Variants in AKT1 observed in about 807,000 individuals in gnomAD.
AKT1 encodes AKT serine/threonine kinase 1.
AKT1 carries 21 observed loss-of-function variants against 63.1 expected under a neutral mutation model. That is an observed-to-expected ratio of 0.33 (90% confidence interval 0.24 to 0.48). The LOEUF (loss-of-function observed/expected upper bound fraction) is 0.48. Ranked by LOEUF, AKT1 falls within the 20% of genes least tolerant of loss-of-function variation. The pLI is 0.99. For missense variants in AKT1, 382 were observed against 666.0 expected (o/e 0.57, Z 4.69); for synonymous variants, 257 against 253.1 (o/e 1.02, Z -0.15).
chr14:104,789,068 G>A (rs11848695), intron 3 of AKT1, among the ~76,000 whole-genome samples: 45,692 of 152,166 alleles, frequency 0.3, 7,266 homozygotes, highest in African/African-American at 0.37. Context: ...CTCGGCCTTG[G>A]CCTGCTGGGT....
At chr14:104,787,805 T>C (rs963798680) in intron 3 of AKT1, among the ~76,000 whole-genome samples, 7 of 152,190 alleles carry the variant, frequency 4.6e-5, no homozygotes, top group Admixed American at 1.3e-4. Context: ...AGCTGTCCAC[T>C]CAGGAGCCAC....
At chr14:104,775,402 G>C (rs924128089) in intron 6 of AKT1, 195 bp from the exon 7 acceptor site, 58 of 1,164,526 alleles carry the variant, frequency 5.0e-5, no homozygotes, top group Admixed American at 3.5e-4. Context: ...CCAGCTCAGA[G>C]CATGGGGTTC....
chr14:104,780,716 C>A (rs937815250), intron 3 of AKT1, among the ~76,000 whole-genome samples: 1 of 152,102 alleles, frequency 6.6e-6, no homozygotes. Context: ...CATGGCCGCC[C>A]CCCCCGCCCC....
intron 4 of AKT1, 76 bp from the exon 5 acceptor site, chr14:104,776,846 C>A: frequency 8.1e-7 from 1 of 1,240,276 alleles, no homozygotes; most frequent in Non-Finnish European, 1.1e-6. Context: ...CCCCGCTGCA[C>A]CAGCCAGCTC....
At chr14:104,772,293 T>C in intron 13 of AKT1, 72 bp downstream of exon 13, 1 of 1,518,920 alleles carries the variant, frequency 6.6e-7, no homozygotes. Context: ...CTGGCGAGCG[T>C]GCCACGTGCA....
chr14:104,781,003 C>T (rs1212863925), intron 3 of AKT1, among the ~76,000 whole-genome samples: 1 of 152,220 alleles, frequency 6.6e-6, no homozygotes, highest in Admixed American at 6.5e-5. Context: ...GCGTCCCACC[C>T]GTGGGTCATT....
At chr14:104,773,732 T>C in intron 9 of AKT1, 152 bp from the exon 10 acceptor site, 2 of 1,299,602 alleles carry the variant, frequency 1.5e-6, no homozygotes, top group African/African-American at 1.5e-5. Context: ...TCAGAAGCCC[T>C]AACTCAGCAG....
intron 3 of AKT1, among the ~76,000 whole-genome samples, chr14:104,791,779 G>A (rs1439545549): frequency 2.6e-5 from 4 of 152,252 alleles, no homozygotes; most frequent in African/African-American, 9.6e-5. Flanking sequence ...TAGAACTTAG[G>A]AGGGAACAAG....
rs772346934 is a variant in AKT1, at chr14:104,780,220, C to G, written c.47-4G>C. ...CGCCAGGTCTTGATGTACTCCCCTA[C>G]AGACGTGCGGGTGGTGAGAGCCACG... On this transcript the variant is annotated splice_polypyrimidine_tract_variant and splice_region_variant and intron_variant, in intron 3 of 14. Transcript: ENST00000649815. 5.6e-6 allele frequency: 9 copies of G among 1,612,902 alleles called. No individual in the cohort carries two copies. The African/African-American group carries it at 1.2e-4, about 22-fold the overall frequency.
At chr14:104,781,707 A>T (rs973424196) in intron 3 of AKT1, among the ~76,000 whole-genome samples, 4 of 151,960 alleles carry the variant, frequency 2.6e-5, no homozygotes, top group Non-Finnish European at 4.4e-5. Context: ...TGCTGGGGGG[A>T]TGCTGGTGGA....
chr14:104,770,570 AGGGACCTGGGCCCTCAGAGCACT>A, intron 14 of AKT1, 150 bp from the exon 15 acceptor site: 1 of 947,430 alleles, frequency 1.1e-6, no homozygotes, highest in South Asian at 1.7e-5. Context: ...AGATTGACAC[AGGGACCTGGGCCCTCAGAGCACT>A]GCCTCCCACC....
chr14:104,790,801 C>T (rs1277695890), intron 3 of AKT1, among the ~76,000 whole-genome samples: 1 of 152,198 alleles, frequency 6.6e-6, no homozygotes, highest in African/African-American at 2.4e-5. Flanking sequence ...CGGACCCCAA[C>T]TCAGGGCCGC....
At chr14:104,775,550 G>C in intron 6 of AKT1, 102 bp downstream of exon 6, 1 of 1,475,410 alleles carries the variant, frequency 6.8e-7, no homozygotes. Flanking sequence ...ATGCCGTGGA[G>C]TGCTGAGTGT....
At chr14:104,794,635 G>A (rs962628221) in intron 1 of AKT1, 2 of 152,252 alleles carry the variant, frequency 1.3e-5, no homozygotes, top group Non-Finnish European at 2.9e-5. Flanking sequence ...CAGCTCCCGG[G>A]AGAGGCAACC....
chr14:104,775,727 G>T lies in AKT1; in HGVS notation c.360C>A (p.Phe120Leu). The stretch of plus-strand genomic sequence containing the variant: ...AGTTGTCACTGGGTGAGCCCGACCG[G>T]AAGTCCATCTCCTCCTCCTCCTGCT... ...LKKQEEEEMD[F>L]RSGSPSDNSG... The change falls in exon 6 of 15, where the codon TTC becomes TTA. Residue 120 changes from phenylalanine (F) to leucine (L), a missense_variant. By Grantham distance (22) the Phe-to-Leu change is conservative. This residue lies in a region of AKT1 where 226 missense variants were observed against 366.4 expected (regional missense o/e 0.62). Transcript: ENST00000649815. 1 of 1,614,070 alleles carries T rather than the reference G, an allele frequency of 6.2e-7. No individual in the cohort carries two copies. The highest frequency in any genetic ancestry group is 8.5e-7 in the Non-Finnish European group (1 of 1,179,980).
chr14:104,792,189 C>T (rs1287542725), intron 3 of AKT1, among the ~76,000 whole-genome samples: 2 of 152,182 alleles, frequency 1.3e-5, no homozygotes, highest in Non-Finnish European at 2.9e-5. Flanking sequence ...AAAGCTCAGG[C>T]CTGAAGCAGG....
At chr14:104,774,447 C>A in intron 8 of AKT1, 1 of 220,172 alleles carries the variant, frequency 4.5e-6, no homozygotes, top group Non-Finnish European at 9.1e-6. Flanking sequence ...GACCCACCCT[C>A]CCGCCTTCCA....
At chr14:104,788,606 T>G (rs1893457481) in intron 3 of AKT1, among the ~76,000 whole-genome samples, 1 of 152,134 alleles carries the variant, frequency 6.6e-6, no homozygotes, top group African/African-American at 2.4e-5. Flanking sequence ...GCAGTGAGGT[T>G]CTATGTCGCT....
intron 3 of AKT1, among the ~76,000 whole-genome samples, chr14:104,791,552 C>T (rs1566826399): frequency 6.6e-6 from 1 of 152,320 alleles, no homozygotes; most frequent in East Asian, 1.9e-4. Context: ...CATCTCATCT[C>T]GGTCACTCCT....
Sources: gnomAD v4.1 joint callset for allele counts (sites outside exome capture counted in the v4.1 genomes callset) on GRCh38, gnomAD v4.1.1 for gene constraint, gnomAD v4.1.1 regional missense constraint, MANE v1.5 for transcripts, NCBI Gene and HGNC (gene_info 2026-07-23, HGNC 2026-07-21) for gene names.